Variants in NAV2 observed in about 807,000 individuals in gnomAD.
NAV2 encodes neuron navigator 2, also known as helicase, APC down-regulated 1.
Under a neutral mutation model 223.2 loss-of-function variants are expected in NAV2, and 54 were observed. The ratio of observed to expected loss-of-function variants is 0.24; its 90% confidence interval spans 0.19 to 0.30. The LOEUF is 0.30. Among genes scored for constraint, NAV2 ranks in the 10% least tolerant of loss-of-function variants. NAV2 has a pLI of 1.00. For missense variants in NAV2, 2,806 were observed against 3,147.5 expected (o/e 0.89, Z 2.60); for synonymous variants, 1,279 against 1,239.3 (o/e 1.03, Z -0.67).
intron 1 of NAV2, among the ~76,000 whole-genome samples, chr11:19,377,941 T>G (rs912100829): frequency 6.6e-6 from 1 of 151,796 alleles, no homozygotes; most frequent in Non-Finnish European, 1.5e-5. Flanking sequence ...ATATGAAGTG[T>G]GGGAAGGTTC....
At chr11:20,101,322 A>G in intron 32 of NAV2, 150 bp downstream of exon 32, 1 of 637,528 alleles carries the variant, frequency 1.6e-6, no homozygotes, top group East Asian at 2.8e-5. Flanking sequence ...GGGGGCTAGC[A>G]GAAAAGAAGT....
intron 3 of NAV2, among the ~76,000 whole-genome samples, chr11:19,867,540 A>C (rs941977259): frequency 6.6e-6 from 1 of 152,266 alleles, no homozygotes; most frequent in Admixed American, 6.5e-5. Context: ...TTCTGCAATG[A>C]TGAAAGGCAT....
chr11:20,023,215 A>C, intron 11 of NAV2: 1 of 1,228,448 alleles, frequency 8.1e-7, no homozygotes, highest in South Asian at 1.3e-5. Context: ...CGGTATTGAA[A>C]AGCCTGGTGG....
intron 1 of NAV2, among the ~76,000 whole-genome samples, chr11:19,600,730 A>G (rs1417306002): frequency 6.6e-6 from 1 of 152,210 alleles, no homozygotes; most frequent in Admixed American, 6.5e-5. Context: ...AAGATCAAAT[A>G]AGTTAATACA....
intron 1 of NAV2, among the ~76,000 whole-genome samples, chr11:19,716,572 G>T (rs1440231078): frequency 1.3e-5 from 2 of 152,142 alleles, no homozygotes; most frequent in South Asian, 2.1e-4. Context: ...CCCTGGAAAG[G>T]TATCAATCTG....
At chr11:19,680,855 G>A (rs966475528) in intron 1 of NAV2, among the ~76,000 whole-genome samples, 5 of 152,182 alleles carry the variant, frequency 3.3e-5, no homozygotes, top group Non-Finnish European at 7.3e-5. Flanking sequence ...TGCCTTCTTT[G>A]CACCTGTCAT....
chr11:19,675,025 G>A (rs183610765), intron 1 of NAV2, among the ~76,000 whole-genome samples: 15 of 152,164 alleles, frequency 9.9e-5, no homozygotes, highest in East Asian at 1.9e-4. Context: ...CTTCTAATCC[G>A]TCCCCCTCAG....
At chr11:19,831,096 C>T (rs369647050) in intron 1 of NAV2, among the ~76,000 whole-genome samples, 4 of 151,710 alleles carry the variant, frequency 2.6e-5, no homozygotes, top group Non-Finnish European at 4.4e-5. Flanking sequence ...GATGCAGCTC[C>T]ACCTCATCAC....
chr11:19,863,579 C>T (rs1404119342), intron 3 of NAV2, among the ~76,000 whole-genome samples: 2 of 152,080 alleles, frequency 1.3e-5, no homozygotes, highest in Non-Finnish European at 2.9e-5. Context: ...GCAAAGCAGA[C>T]AAAAAACCCT....
At chr11:20,076,588 C>G (rs2059768430) in intron 22 of NAV2, among the ~76,000 whole-genome samples, 1 of 152,166 alleles carries the variant, frequency 6.6e-6, no homozygotes, top group South Asian at 2.1e-4. Flanking sequence ...TTATTTTTGG[C>G]TTTAATAACA....
intron 22 of NAV2, among the ~76,000 whole-genome samples, chr11:20,073,141 A>C (rs939175003): frequency 1.3e-5 from 2 of 152,174 alleles, no homozygotes; most frequent in Non-Finnish European, 2.9e-5. Flanking sequence ...AGTGTTTAGC[A>C]TGAAGGGCTG....
intron 11 of NAV2, among the ~76,000 whole-genome samples, chr11:19,995,958 G>A (rs1035705068): frequency 6.6e-6 from 1 of 152,164 alleles, no homozygotes; most frequent in Admixed American, 6.5e-5. Flanking sequence ...GGCAATGTCA[G>A]GTCATTTGGA....
chr11:20,042,524 T>A (rs1389925813), intron 12 of NAV2, among the ~76,000 whole-genome samples: 1 of 151,812 alleles, frequency 6.6e-6, no homozygotes, highest in Non-Finnish European at 1.5e-5. Flanking sequence ...ATGAAAGAAC[T>A]CATAAGGTGT....
intron 6 of NAV2, among the ~76,000 whole-genome samples, chr11:19,897,257 A>G (rs764710220): frequency 3.3e-5 from 5 of 152,202 alleles, no homozygotes; most frequent in Non-Finnish European, 7.3e-5. Flanking sequence ...GAGGAGGGAT[A>G]GCATTTGGAG....
chr11:20,038,793 A>C (rs954133851), intron 12 of NAV2, among the ~76,000 whole-genome samples: 1 of 152,238 alleles, frequency 6.6e-6, no homozygotes, highest in African/African-American at 2.4e-5. Context: ...AATTGAGGAC[A>C]GGTTGCCTGC....
intron 1 of NAV2, chr11:19,777,541 C>G (rs557098027): frequency 2.2e-6 from 1 of 455,386 alleles, no homozygotes; most frequent in African/African-American, 2.0e-5. Flanking sequence ...GCAGACCGCA[C>G]CCCCTGGGCG....
intron 1 of NAV2, among the ~76,000 whole-genome samples, chr11:19,598,302 C>A (rs953573581): frequency 6.6e-6 from 1 of 152,240 alleles, no homozygotes; most frequent in Non-Finnish European, 1.5e-5. Context: ...ACTTGTGGCA[C>A]CCACAGCGAG....
intron 36 of NAV2, among the ~76,000 whole-genome samples, chr11:20,108,442 A>T (rs1413621090): frequency 4.6e-5 from 7 of 151,850 alleles, no homozygotes; most frequent in African/African-American, 1.7e-4. Context: ...GGAAAGCACA[A>T]ATTCTTTTTA....
At chr11:19,712,634 C>A (rs1336731727), upstream of NAV2, 1 of 152,202 alleles carries the variant, frequency 6.6e-6, no homozygotes, top group Non-Finnish European at 1.5e-5. Context: ...GGCGCGCGGC[C>A]GGGGCAGTGC....
Sources: gnomAD v4.1 joint callset for allele counts (sites outside exome capture counted in the v4.1 genomes callset) on GRCh38, gnomAD v4.1.1 for gene constraint, MANE v1.5 for transcripts, NCBI Gene and HGNC (gene_info 2026-07-23, HGNC 2026-07-21) for gene names.